SUSD6: variants seen among roughly 807,000 people sequenced by gnomAD.
The protein encoded by SUSD6 is sushi domain-containing protein 6.
In SUSD6, 16 loss-of-function variants were observed where a neutral mutation model predicts 28.4. The ratio of observed to expected loss-of-function variants is 0.56; its 90% CI spans 0.38 to 0.86. The LOEUF is 0.86. SUSD6 is among the 40% of genes least tolerant of loss of function. The pLI is 0.00. For synonymous variants in SUSD6, 147 were observed against 159.6 expected (o/e 0.92, Z 0.59); for missense variants, 341 against 384.2 (o/e 0.89, Z 0.94).
chr14:69,685,695 A>G (rs1374562791), intron 2 of SUSD6, among the ~76,000 whole-genome samples: 1 of 152,218 alleles, frequency 6.6e-6, no homozygotes, highest in Non-Finnish European at 1.5e-5. Context: ...CTTTAGGGCC[A>G]GGAGAGTAAA....
rs374219473 is a variant in SUSD6 at position 69,708,728 on chromosome 14, C to A, written c.510C>A (p.Val170=). 3 of 1,610,840 alleles carry A rather than the reference C, an allele frequency of 1.9e-6. No individual in the cohort carries two copies. The highest frequency in any genetic ancestry group is 2.5e-6 in the Non-Finnish European group (3 of 1,178,248). Residue 170 remains valine, a synonymous_variant, in exon 5 of 6, where the codon GTC becomes GTA. Coordinates refer to ENST00000342745, the MANE Select transcript of SUSD6 (RefSeq NM_014734.4). ...AGGTCTCCATCATGGTGGATGGAGTCCAGGTTGCACTACCATCATACGAGG... is the reference window on the plus strand; with the variant it reads ...AGGTCTCCATCATGGTGGATGGAGTACAGGTTGCACTACCATCATACGAGG... ...GDQVSIMVDG[V]QVALPSYEEA...
intron 2 of SUSD6, among the ~76,000 whole-genome samples, chr14:69,668,967 T>A (rs1885787351): frequency 6.6e-6 from 1 of 151,954 alleles, no homozygotes. Flanking sequence ...GCCACTATGC[T>A]TCCTGTACAG....
chr14:69,652,460 AT>A (rs1885518776), intron 1 of SUSD6, among the ~76,000 whole-genome samples: 1 of 152,126 alleles, frequency 6.6e-6, no homozygotes, highest in Non-Finnish European at 1.5e-5. Flanking sequence ...CTCGGAAAAA[AT>A]AAATAAATAA....
chr14:69,612,755 G>A (rs1406325331), intron 1 of SUSD6, among the ~76,000 whole-genome samples: 1 of 152,184 alleles, frequency 6.6e-6, no homozygotes, highest in African/African-American at 2.4e-5. Flanking sequence ...CTCGCTAACT[G>A]GGCTCCTGTG....
In SUSD6 at chr14:69,635,574, C is replaced by A. The variant is rs746762728; in HGVS notation, c.-80-22939C>A. Among the ~76,000 whole-genome samples the A allele has an allele frequency of 6.6e-5, 10 of 150,476 alleles. No individual in the cohort carries two copies. The Admixed American group carries it at 6.7e-4, about 10-fold the overall frequency. The stretch of plus-strand genomic sequence containing the variant: ...AAGAGAAGGAAGTCATCTCCTCTGC[C>A]CCCACTCCACCCAAGGCACACCACA... On this transcript the variant is annotated intron_variant, in intron 1 of 5. Coordinates refer to ENST00000342745, the MANE Select transcript of SUSD6 (RefSeq NM_014734.4).
At chr14:69,643,259 A>G (rs1885380204) in intron 1 of SUSD6, among the ~76,000 whole-genome samples, 2 of 152,176 alleles carry the variant, frequency 1.3e-5, no homozygotes, top group Admixed American at 1.3e-4. Context: ...TGTCCCTCAA[A>G]TCAGGTATTA....
chr14:69,641,824 C>G (rs1273001386), intron 1 of SUSD6, among the ~76,000 whole-genome samples: 1 of 151,564 alleles, frequency 6.6e-6, no homozygotes, highest in Non-Finnish European at 1.5e-5. Context: ...AGGCTGGTCT[C>G]GAACTCCTGG....
chr14:69,698,786 C>G lies in SUSD6; in HGVS notation c.122-4609C>G, dbSNP rs576088551. On this transcript the variant is annotated intron_variant, in intron 2 of 5. Transcript: ENST00000342745. ...ACTGAATGCCTACTGTGTGCACTCC[C>G]TGTGCTCACTGAAAGCCTATGTGGC... 5.3e-5 allele frequency among the ~76,000 whole-genome samples: 8 copies of G among 152,338 alleles called. No individual in the cohort carries two copies. In the East Asian group the frequency reaches 1.3e-3, roughly 26 times the overall value.
intron 3 of SUSD6, among the ~76,000 whole-genome samples, 195 bp from the exon 4 acceptor site, chr14:69,704,409 A>G (rs1414334363): frequency 1.3e-5 from 2 of 152,196 alleles, no homozygotes; most frequent in African/African-American, 4.8e-5. Flanking sequence ...AGGAAACAGG[A>G]TAGGGAAATG....
At chr14:69,660,415 A>C (rs1885645481) in intron 2 of SUSD6, among the ~76,000 whole-genome samples, 2 of 152,250 alleles carry the variant, frequency 1.3e-5, no homozygotes, top group South Asian at 2.1e-4. Flanking sequence ...CCCCTGGCAC[A>C]GCCCAGGGGG....
intron 1 of SUSD6, among the ~76,000 whole-genome samples, chr14:69,627,840 G>A (rs1402370979): frequency 6.6e-6 from 1 of 152,054 alleles, no homozygotes; most frequent in African/African-American, 2.4e-5. Context: ...TGTAAATGTG[G>A]GATTATGGGA....
At chr14:69,646,610 G>A (rs1486922743) in intron 1 of SUSD6, among the ~76,000 whole-genome samples, 3 of 150,818 alleles carry the variant, frequency 2.0e-5, no homozygotes, top group African/African-American at 7.3e-5. Context: ...GACCAAACCT[G>A]CTTATTCACC....
In SUSD6 at chr14:69,711,378, C is replaced by A. The variant is rs1594726892; in HGVS notation, c.*399C>A. On this transcript the variant is annotated 3_prime_UTR_variant, in exon 6 of 6. Coordinates refer to ENST00000342745, the MANE Select transcript of SUSD6 (RefSeq NM_014734.4). ...CCTTTCCCCCACCCTGTCCAGTTTC[C>A]CTGTCATGCAGACTTGTTGCTGTCC... The A allele has an allele frequency of 6.5e-5, 15 of 229,958 alleles. No homozygotes were observed. In the East Asian group the frequency reaches 1.7e-3, roughly 26 times the overall value. The allele number at this position is 229,958 out of a possible 1,614,324, so 14.2% of individuals were successfully genotyped here.
At chr14:69,697,965 G>A (rs1886250496) in intron 2 of SUSD6, among the ~76,000 whole-genome samples, 1 of 152,218 alleles carries the variant, frequency 6.6e-6, no homozygotes, top group South Asian at 2.1e-4. Flanking sequence ...CCCCAACAGA[G>A]GATTCTTGGA....
At chr14:69,670,494 A>C in intron 2 of SUSD6, 1 of 456,750 alleles carries the variant, frequency 2.2e-6, no homozygotes, top group South Asian at 1.5e-5. Flanking sequence ...AGAAGTCTAC[A>C]CTGAGATCTA....
At chr14:69,678,904 T>A (rs1478874195) in intron 2 of SUSD6, among the ~76,000 whole-genome samples, 1 of 151,890 alleles carries the variant, frequency 6.6e-6, no homozygotes. Context: ...GCAGAATTTC[T>A]CTGGTATCTA....
intron 2 of SUSD6, among the ~76,000 whole-genome samples, chr14:69,687,513 A>C (rs571452012): frequency 6.6e-6 from 1 of 152,374 alleles, no homozygotes; most frequent in East Asian, 1.9e-4. Context: ...TTGGGGAGTT[A>C]AGAGAAAACC....
intron 1 of SUSD6, among the ~76,000 whole-genome samples, chr14:69,616,528 A>G (rs1446784420): frequency 6.6e-6 from 1 of 152,232 alleles, no homozygotes. Flanking sequence ...GAGCTCAGCA[A>G]ACTAAGTGGA....
rs1330345983 is a variant in SUSD6, at chr14:69,612,200, G to C, written c.-81+372G>C. On this transcript the variant is annotated intron_variant, in intron 1 of 5. Coordinates refer to ENST00000342745, the MANE Select transcript of SUSD6 (RefSeq NM_014734.4). ...ACGCCGTGCCGATGGGTGCAGAGGAGGTAGGCAGAGGCCCTCTGTGCCACT... is the reference window on the plus strand; with the variant it reads ...ACGCCGTGCCGATGGGTGCAGAGGACGTAGGCAGAGGCCCTCTGTGCCACT... 2.0e-5 allele frequency among the ~76,000 whole-genome samples: 3 copies of C among 152,086 alleles called. No individual in the cohort carries two copies. The East Asian group carries it at 5.8e-4, about 29-fold the overall frequency.
Sources: gnomAD v4.1 joint callset for allele counts (sites outside exome capture counted in the v4.1 genomes callset) on GRCh38, gnomAD v4.1.1 for gene constraint, MANE v1.5 for transcripts, NCBI Gene and HGNC (gene_info 2026-07-23, HGNC 2026-07-21) for gene names.